Variants in LRRC4C observed in about 807,000 individuals in gnomAD.
The protein encoded by LRRC4C is leucine-rich repeat-containing protein 4C.
A neutral mutation model predicts 33.6 loss-of-function variants in LRRC4C; 5 were observed. The ratio of observed to expected loss-of-function variants is 0.15; its 90% CI spans 0.08 to 0.31. The LOEUF is 0.31. Ranked by LOEUF, LRRC4C falls within the 10% of genes least tolerant of loss-of-function variation. LRRC4C has a pLI of 1.00. For missense variants in LRRC4C, 560 were observed against 796.7 expected (o/e 0.70, Z 3.58); for synonymous variants, 329 against 302.0 (o/e 1.09, Z -0.93).
At chr11:40,992,492 A>G (rs1853654528) in intron 1 of LRRC4C, among the ~76,000 whole-genome samples, 1 of 151,772 alleles carries the variant, frequency 6.6e-6, no homozygotes, top group Non-Finnish European at 1.5e-5. Context: ...GGATCTTAAC[A>G]TCAGCCATTC....
intron 3 of LRRC4C, among the ~76,000 whole-genome samples, chr11:40,448,067 A>G (rs970691055): frequency 2.0e-5 from 3 of 151,980 alleles, no homozygotes; most frequent in African/African-American, 4.8e-5. Context: ...CAGTCCCCCA[A>G]AAATGCTGGG....
intron 1 of LRRC4C, among the ~76,000 whole-genome samples, chr11:41,035,974 A>G (rs1233940883): frequency 6.6e-6 from 1 of 152,104 alleles, no homozygotes; most frequent in Admixed American, 6.5e-5. Context: ...AGGACTCTGC[A>G]TTCTTGAAAT....
intron 1 of LRRC4C, among the ~76,000 whole-genome samples, chr11:41,166,851 G>A (rs1479632170): frequency 6.6e-6 from 1 of 152,130 alleles, no homozygotes; most frequent in Non-Finnish European, 1.5e-5. Flanking sequence ...CTTATGTGAG[G>A]CATTTTACAG....
At chr11:40,914,517 T>C (rs573337891) in intron 2 of LRRC4C, among the ~76,000 whole-genome samples, 97 of 152,266 alleles carry the variant, frequency 6.4e-4, no homozygotes, top group Admixed American at 3.1e-3. Context: ...CTAATAACTC[T>C]CAATAAATTA....
At chr11:40,138,280 A>C (rs1167789355) in intron 6 of LRRC4C, among the ~76,000 whole-genome samples, 1 of 151,652 alleles carries the variant, frequency 6.6e-6, no homozygotes, top group Non-Finnish European at 1.5e-5. Flanking sequence ...TAAACCTTCT[A>C]CCTCAGCCTC....
intron 3 of LRRC4C, among the ~76,000 whole-genome samples, chr11:40,406,262 C>T (rs1949960704): frequency 6.6e-6 from 1 of 152,066 alleles, no homozygotes; most frequent in South Asian, 2.1e-4. Context: ...TCTTAGAGGC[C>T]TAAGTTTAAT....
At chr11:40,589,864 C>G (rs1173200516) in intron 3 of LRRC4C, among the ~76,000 whole-genome samples, 1 of 149,738 alleles carries the variant, frequency 6.7e-6, no homozygotes, top group Non-Finnish European at 1.5e-5. Context: ...GTCTGATGGG[C>G]TTCCCTTTGA....
In LRRC4C at chr11:40,951,335, A is replaced by C. The variant is rs189204141; in HGVS notation, c.-495-17612T>G. On this transcript the variant is annotated intron_variant, in intron 1 of 6. Transcript: ENST00000528697. Reference sequence around the variant, plus strand: ...CTAAAATGAGACAATTGAGTTCAACACCAAAACACACATTGTGTAATGTGA... The same window carrying C: ...CTAAAATGAGACAATTGAGTTCAACCCCAAAACACACATTGTGTAATGTGA... 7.2e-5 allele frequency among the ~76,000 whole-genome samples: 11 copies of C among 152,142 alleles called. No homozygotes were observed. The East Asian group carries it at 1.7e-3, about 24-fold the overall frequency.
At chr11:41,294,665 G>T (rs1339312598) in intron 1 of LRRC4C, among the ~76,000 whole-genome samples, 8 of 151,820 alleles carry the variant, frequency 5.3e-5, no homozygotes, top group Middle Eastern at 3.2e-3. Flanking sequence ...TTTTTCATTT[G>T]GTTTTATATT....
intron 1 of LRRC4C, among the ~76,000 whole-genome samples, chr11:41,026,940 AG>A (rs1956343096): frequency 6.6e-6 from 1 of 151,692 alleles, no homozygotes; most frequent in African/African-American, 2.4e-5. Flanking sequence ...GGATTTATTA[AG>A]ATACTTCCTT....
intron 2 of LRRC4C, among the ~76,000 whole-genome samples, chr11:40,748,074 A>G (rs934836383): frequency 6.6e-6 from 1 of 152,136 alleles, no homozygotes; most frequent in Non-Finnish European, 1.5e-5. Flanking sequence ...CTAAACAAAT[A>G]AAATGCAAAA....
intron 4 of LRRC4C, among the ~76,000 whole-genome samples, chr11:40,277,501 GGAAA>G (rs767071001): frequency 5.3e-4 from 80 of 151,966 alleles, no homozygotes; most frequent in South Asian, 1.5e-3. Context: ...TGAGGTTAAG[GGAAA>G]GAGTTACAGG....
At chr11:41,239,985 G>A (rs1948185500) in intron 1 of LRRC4C, among the ~76,000 whole-genome samples, 2 of 152,022 alleles carry the variant, frequency 1.3e-5, no homozygotes, top group South Asian at 4.1e-4. Context: ...TACCCATTCT[G>A]GCTATTAAAA....
intron 5 of LRRC4C, among the ~76,000 whole-genome samples, chr11:40,158,579 C>CAAA (rs10652402): frequency 0.03 from 4,270 of 141,142 alleles, 101 homozygotes; most frequent in East Asian, 0.07. Flanking sequence ...ACATACTTAT[C>CAAA]AAAAAAAAAA....
Position 41,100,381 on chromosome 11 carries a change from T to C in LRRC4C, c.-495-166658A>G, listed in dbSNP as rs112550900. ...AGGAGTTCAAGACCAGATTGGCCAA[T>C]ATAGTGAAACCCTGTCTCTACTAAA... is the stretch of plus-strand genomic sequence containing the variant. On this transcript the variant is annotated intron_variant, in intron 1 of 6. Transcript: ENST00000528697. Among the ~76,000 whole-genome samples, 1,095 of 151,828 alleles carry C rather than the reference T, an allele frequency of 7.2e-3. 21 individuals carry two copies. Among genetic ancestry groups the C allele is most frequent in the African/African-American group, 0.026 (1,058 of 41,434 alleles).
intron 2 of LRRC4C, among the ~76,000 whole-genome samples, chr11:40,708,777 C>G (rs1946310141): frequency 6.6e-6 from 1 of 152,056 alleles, no homozygotes; most frequent in Non-Finnish European, 1.5e-5. Context: ...AACCTTCTGT[C>G]TTGTTGATCT....
intron 4 of LRRC4C, among the ~76,000 whole-genome samples, chr11:40,283,454 A>G (rs1943618225): frequency 6.6e-6 from 1 of 152,128 alleles, no homozygotes; most frequent in African/African-American, 2.4e-5. Context: ...TTTATTATGC[A>G]AAGTAGTTAT....
chr11:40,281,023 T>C (rs539406786), intron 4 of LRRC4C, among the ~76,000 whole-genome samples: 1 of 152,050 alleles, frequency 6.6e-6, no homozygotes, highest in South Asian at 2.1e-4. Context: ...AGAAAAGGGA[T>C]GGGGAGGACT....
intron 2 of LRRC4C, among the ~76,000 whole-genome samples, chr11:40,652,336 C>T (rs1942860106): frequency 6.6e-6 from 1 of 152,170 alleles, no homozygotes; most frequent in Admixed American, 6.5e-5. Context: ...TAGATTCAAA[C>T]AGTGTTATAC....
Sources: gnomAD v4.1 joint callset for allele counts (sites outside exome capture counted in the v4.1 genomes callset) on GRCh38, gnomAD v4.1.1 for gene constraint, MANE v1.5 for transcripts, NCBI Gene and HGNC (gene_info 2026-07-23, HGNC 2026-07-21) for gene names.